The following GAS2 variants were observed in gnomAD, a reference collection of about 807,000 sequenced individuals.
The protein encoded by GAS2 is growth arrest specific 2.
GAS2 carries 20 observed loss-of-function variants against 37.5 expected under a neutral mutation model. The ratio of observed to expected loss-of-function variants is 0.53; its 90% CI spans 0.37 to 0.77. The LOEUF (loss-of-function observed/expected upper bound fraction) is 0.77, where lower values mean the gene tolerates loss of function less well. GAS2 is among the 30% of genes least tolerant of loss of function. The pLI, the probability that GAS2 is intolerant of heterozygous loss-of-function variation, is 0.00. For synonymous variants in GAS2, 144 were observed against 132.2 expected, an observed-to-expected ratio of 1.09 and a Z score of -0.61; for missense variants, 336 against 373.4, an observed-to-expected ratio of 0.90 and a Z score of 0.82.
chr11:22,777,297 T>C (rs1001765106), intron 7 of GAS2, among the ~76,000 whole-genome samples: 1 of 152,160 alleles, frequency 6.6e-6, no homozygotes, highest in Non-Finnish European at 1.5e-5. Context: ...TTACCTCTTG[T>C]ATATAAGGAA....
intron 1 of GAS2, among the ~76,000 whole-genome samples, chr11:22,638,920 C>G (rs1375234924): frequency 6.6e-6 from 1 of 152,060 alleles, no homozygotes; most frequent in Non-Finnish European, 1.5e-5. Context: ...GGCAATCACT[C>G]TGAGGGCAAA....
At chr11:22,744,813 A>G (rs927895918) in intron 5 of GAS2, among the ~76,000 whole-genome samples, 1 of 152,138 alleles carries the variant, frequency 6.6e-6, no homozygotes, top group Non-Finnish European at 1.5e-5. Flanking sequence ...AGCCAGAGCG[A>G]TCAGGCAAAA....
Position 22,679,145 on chromosome 11 carries a change from A to T in GAS2, c.145+4131A>T, listed in dbSNP as rs1849563244. 2.0e-5 allele frequency among the ~76,000 whole-genome samples: 3 copies of T among 152,044 alleles called. No individual in the cohort carries two copies. In the South Asian group the frequency reaches 6.2e-4, roughly 31 times the overall value. On this transcript the variant is annotated intron_variant, in intron 2 of 7. Transcript: ENST00000454584. ...ATCCTTGGATATATCTACTGATCTTATAGAAAATACTCTTTGCAGTCCTAT... is the reference window on the plus strand; with the variant it reads ...ATCCTTGGATATATCTACTGATCTTTTAGAAAATACTCTTTGCAGTCCTAT...
At chr11:22,782,000 GTA>G (rs1855577348) in intron 7 of GAS2, among the ~76,000 whole-genome samples, 1 of 152,144 alleles carries the variant, frequency 6.6e-6, no homozygotes, top group Non-Finnish European at 1.5e-5. Context: ...TGCATTTCAT[GTA>G]TATGTTTTTT....
At chr11:22,763,656 C>CACAT (rs2134383559) in intron 7 of GAS2, among the ~76,000 whole-genome samples, 1 of 130,732 alleles carries the variant, frequency 7.6e-6, no homozygotes, top group East Asian at 2.2e-4. Context: ...CACACACACA[C>CACAT]ACACGTCATC....
intron 1 of GAS2, among the ~76,000 whole-genome samples, chr11:22,633,661 A>T (rs568210268): frequency 2.0e-5 from 3 of 152,192 alleles, no homozygotes; most frequent in Admixed American, 2.0e-4. Context: ...CAGCTGGAGA[A>T]GCTTTCAGTG....
At chr11:22,759,821 T>C (rs1183956961) in intron 7 of GAS2, among the ~76,000 whole-genome samples, 2 of 152,208 alleles carry the variant, frequency 1.3e-5, no homozygotes, top group African/African-American at 4.8e-5. Flanking sequence ...TTTTCTCTTG[T>C]TCATTTGTTT....
chr11:22,632,138 A>T (rs1858753108), intron 1 of GAS2, among the ~76,000 whole-genome samples: 1 of 151,642 alleles, frequency 6.6e-6, no homozygotes, highest in Non-Finnish European at 1.5e-5. Flanking sequence ...CTTGAAGGAT[A>T]TTTTTTATTT....
chr11:22,763,585 A>G (rs1361976054), intron 7 of GAS2, among the ~76,000 whole-genome samples: 1 of 150,836 alleles, frequency 6.6e-6, no homozygotes, highest in African/African-American at 2.4e-5. Flanking sequence ...TCAGCAGCTG[A>G]AAGTCAACAA....
intron 1 of GAS2, 67 bp downstream of exon 1, chr11:22,666,966 GC>G (rs1186214339): frequency 6.6e-6 from 1 of 152,316 alleles, no homozygotes; most frequent in Non-Finnish European, 1.5e-5. Context: ...CGCAGCCGGG[GC>G]TCACGGGAGC....
intron 3 of GAS2, among the ~76,000 whole-genome samples, chr11:22,710,018 A>AGGGGGAG (rs1851318027): frequency 1.5e-5 from 1 of 68,222 alleles, no homozygotes; most frequent in Non-Finnish European, 2.8e-5. Context: ...GTTGTGGGGT[A>AGGGGGAG]GGGGGAGGGG....
chr11:22,641,242 G>GTA lies in GAS2; in HGVS notation c.-21+15441_-21+15442dup, dbSNP rs976218244. 5.3e-4 allele frequency among the ~76,000 whole-genome samples: 73 copies of GTA among 138,926 alleles called. 1 individual carries two copies. Among genetic ancestry groups the GTA allele is most frequent in the Admixed American group, 1.1e-3 (15 of 13,736 alleles). The allele number at this position is 138,926 out of a possible 152,430, so 91.1% of individuals were successfully genotyped here. A position where few individuals can be genotyped will look rare whatever the true frequency, so the allele number is the denominator to read the frequency against. The stretch of plus-strand genomic sequence containing the variant: ...TATGTGTGTGTGTATATATATATGT[G>GTA]TATATATATATATCTTTATATATAT... On this transcript the variant is annotated intron_variant, in intron 1 of 5. Coordinates refer to the GAS2 transcript ENST00000528582.
At chr11:22,649,461 T>C (rs1848744353) in intron 1 of GAS2, among the ~76,000 whole-genome samples, 3 of 152,276 alleles carry the variant, frequency 2.0e-5, no homozygotes. Context: ...TCCGTCTTTT[T>C]CTATTGATTG....
chr11:22,629,262 G>T (rs191746613), intron 1 of GAS2, among the ~76,000 whole-genome samples: 2 of 152,236 alleles, frequency 1.3e-5, no homozygotes, highest in African/African-American at 4.8e-5. Context: ...TTCCATAGAG[G>T]TTATACTGGT....
chr11:22,626,689 G>A (rs934316508), intron 1 of GAS2: 2 of 152,068 alleles, frequency 1.3e-5, no homozygotes, highest in Non-Finnish European at 2.9e-5. Flanking sequence ...TCATAATATA[G>A]TAATTCATTT....
chr11:22,784,100 T>C (rs1855711561), intron 7 of GAS2, among the ~76,000 whole-genome samples: 1 of 152,170 alleles, frequency 6.6e-6, no homozygotes, highest in Admixed American at 6.5e-5. Context: ...ATTGTTCTTT[T>C]TGCTTAGGAT....
intron 3 of GAS2, among the ~76,000 whole-genome samples, chr11:22,710,220 C>T (rs1851336489): frequency 6.6e-6 from 1 of 151,786 alleles, no homozygotes; most frequent in Admixed American, 6.6e-5. Context: ...CTTTTTTTCC[C>T]CTAAAATTGT....
chr11:22,641,324 T>TTATATATA (rs1386609170), intron 1 of GAS2, among the ~76,000 whole-genome samples: 2 of 93,052 alleles, frequency 2.1e-5, no homozygotes, highest in Non-Finnish European at 5.3e-5. Flanking sequence ...TTATATATCT[T>TTATATATA]TATATATATA....
At chr11:22,778,730 C>T (rs1855393535) in intron 7 of GAS2, among the ~76,000 whole-genome samples, 1 of 152,198 alleles carries the variant, frequency 6.6e-6, no homozygotes, top group Non-Finnish European at 1.5e-5. Flanking sequence ...AAAAGGGTCA[C>T]ATGCCCTCTA....
Sources: allele counts gnomAD v4.1 joint callset (sites outside exome capture counted in the v4.1 genomes callset), GRCh38; gene constraint gnomAD v4.1.1; transcripts MANE v1.5; gene names NCBI Gene and HGNC (gene_info 2026-07-23, HGNC 2026-07-21).